Variants in HTR1E observed in about 807,000 individuals in gnomAD.
The protein encoded by HTR1E is 5-hydroxytryptamine receptor 1E.
In HTR1E, 3 loss-of-function variants were observed where a neutral mutation model predicts 3.4. That is an observed-to-expected ratio of 0.89 (90% CI 0.41 to 2.31). The LOEUF (loss-of-function observed/expected upper bound fraction) is 2.31, where lower values mean the gene tolerates loss of function less well. Ranked by LOEUF, HTR1E falls within the 30% of genes most tolerant of loss-of-function variation. The probability of loss-of-function intolerance (pLI) is 0.05; values close to 1 mark genes in which losing one functional copy is unlikely to be tolerated. For missense variants in HTR1E, 392 were observed against 467.0 expected (o/e 0.84, Z 1.48); for synonymous variants, 170 against 182.8 (o/e 0.93, Z 0.56).
rs188099072 is a variant in HTR1E at position 86,941,431 on chromosome 6, T to G, written c.-186+3608T>G. Among the ~76,000 whole-genome samples the G allele has an allele frequency of 2.0e-5, 3 of 152,376 alleles. No homozygotes were observed. In the East Asian group the frequency reaches 5.8e-4, roughly 29 times the overall value. On this transcript the variant is annotated intron_variant, in intron 1 of 1. Coordinates refer to ENST00000305344, the MANE Select transcript of HTR1E (RefSeq NM_000865.3). Reference sequence around the variant, plus strand: ...TGGTTTACTGCAGTCCTTACCTGAATAGATGTCAGTGTTTTGATCCCATTG... The same window carrying G: ...TGGTTTACTGCAGTCCTTACCTGAAGAGATGTCAGTGTTTTGATCCCATTG...
At chr6:87,004,565 TA>T (rs943033040) in intron 1 of HTR1E, among the ~76,000 whole-genome samples, 2 of 151,704 alleles carry the variant, frequency 1.3e-5, no homozygotes, top group East Asian at 1.9e-4. Flanking sequence ...TTGATAACCC[TA>T]AAAAAAATGG....
chr6:87,016,488 T>TAA lies in HTR1E; in HGVS notation c.*57_*58dup. On this transcript the variant is annotated 3_prime_UTR_variant, in exon 2 of 2. Transcript: ENST00000305344. ...CCAGAGCCTCATGAGTGGATGGGGG[T>TAA]AAGGGGTGCAACTTATTAATTCTTG... 6.9e-7 allele frequency: 1 copy of TAA among 1,441,304 alleles called. No individual in the cohort carries two copies. The highest frequency in any genetic ancestry group is 1.4e-5 in the South Asian group (1 of 72,794). The allele number at this position is 1,441,304 out of a possible 1,614,324, so 89.3% of individuals were successfully genotyped here.
chr6:86,944,707 T>C (rs993664401), intron 1 of HTR1E, among the ~76,000 whole-genome samples: 3 of 152,210 alleles, frequency 2.0e-5, no homozygotes, highest in African/African-American at 7.2e-5. Flanking sequence ...TAGACAGCCA[T>C]GCAGCACATT....
intron 1 of HTR1E, among the ~76,000 whole-genome samples, chr6:86,978,130 C>G (rs1225063727): frequency 2.0e-5 from 3 of 152,206 alleles, no homozygotes. Flanking sequence ...ATAGATACTA[C>G]TGAAAATATC....
chr6:86,989,396 G>C (rs145330007), intron 1 of HTR1E, among the ~76,000 whole-genome samples: 126 of 152,170 alleles, frequency 8.3e-4, no homozygotes, highest in African/African-American at 2.8e-3. Flanking sequence ...ACAAAATCAT[G>C]ATAAAAAAAA....
At position 87,015,787 on chromosome 6, in the gene HTR1E, T is replaced by C; in HGVS notation, c.453T>C (p.Ile151=). ...LMILTVWTIS[I]FISMPPLFWR... is the part of the protein sequence containing the mutation. ...TCCTTACCGTCTGGACCATCTCCAT[T>C]TTCATCTCCATGCCCCCTCTGTTCT... is the stretch of plus-strand genomic sequence containing the variant. Residue 151 remains isoleucine (I), a synonymous_variant, in exon 2 of 2, where the codon ATT becomes ATC. Transcript: ENST00000305344. The C allele has an allele frequency of 6.2e-7, 1 of 1,611,062 alleles. No individual in the cohort carries two copies. The highest frequency in any genetic ancestry group is 8.5e-7 in the Non-Finnish European group (1 of 1,178,206).
intron 1 of HTR1E, among the ~76,000 whole-genome samples, chr6:86,953,468 G>A (rs1767275077): frequency 1.3e-5 from 2 of 152,116 alleles, no homozygotes; most frequent in South Asian, 4.1e-4. Flanking sequence ...CATTTCTAAG[G>A]GTCGGCAGGC....
intron 1 of HTR1E, among the ~76,000 whole-genome samples, chr6:87,006,901 A>G (rs914677639): frequency 6.6e-6 from 1 of 152,124 alleles, no homozygotes; most frequent in African/African-American, 2.4e-5. Flanking sequence ...GGAGAGTAAC[A>G]ACACACACTG....
chr6:86,965,646 G>A (rs1459285464), intron 1 of HTR1E, among the ~76,000 whole-genome samples: 2 of 152,026 alleles, frequency 1.3e-5, no homozygotes, highest in Admixed American at 6.6e-5. Flanking sequence ...CCATCCAGGG[G>A]TCTACATACA....
At chr6:86,958,776 A>G (rs1018268108) in intron 1 of HTR1E, among the ~76,000 whole-genome samples, 1 of 152,184 alleles carries the variant, frequency 6.6e-6, no homozygotes, top group South Asian at 2.1e-4. Context: ...TAGAGAAGAC[A>G]TTTGTTTCAA....
At chr6:87,004,867 G>A (rs879924272) in intron 1 of HTR1E, among the ~76,000 whole-genome samples, 4 of 151,918 alleles carry the variant, frequency 2.6e-5, no homozygotes, top group African/African-American at 9.7e-5. Context: ...AAAACTATTA[G>A]AACTGATACA....
At chr6:86,959,306 A>G (rs139352908) in intron 1 of HTR1E, among the ~76,000 whole-genome samples, 1 of 152,256 alleles carries the variant, frequency 6.6e-6, no homozygotes, top group African/African-American at 2.4e-5. Flanking sequence ...TCAGCTGAGC[A>G]CTGTGACTCA....
chr6:86,987,663 T>C (rs1277907212), intron 1 of HTR1E, among the ~76,000 whole-genome samples: 1 of 152,136 alleles, frequency 6.6e-6, no homozygotes, highest in Non-Finnish European at 1.5e-5. Context: ...TACAACAAAA[T>C]AGCAAGATGG....
At chr6:86,996,560 T>C (rs1385403243) in intron 1 of HTR1E, among the ~76,000 whole-genome samples, 1 of 152,090 alleles carries the variant, frequency 6.6e-6, no homozygotes, top group Non-Finnish European at 1.5e-5. Context: ...TTGGTATCAG[T>C]AATGAATCAG....
At chr6:87,010,491 G>T (rs1174809976) in intron 1 of HTR1E, among the ~76,000 whole-genome samples, 1 of 141,644 alleles carries the variant, frequency 7.1e-6, no homozygotes, top group African/African-American at 2.7e-5. Context: ...GGGCAGAGGC[G>T]CTCCTCACAT....
intron 1 of HTR1E, among the ~76,000 whole-genome samples, chr6:86,968,125 T>A (rs1469639256): frequency 6.6e-6 from 1 of 152,238 alleles, no homozygotes; most frequent in East Asian, 1.9e-4. Flanking sequence ...TTGGAGATTA[T>A]TTCATGCTAC....
At chr6:86,998,829 C>A (rs907446048) in intron 1 of HTR1E, among the ~76,000 whole-genome samples, 11 of 151,036 alleles carry the variant, frequency 7.3e-5, no homozygotes, top group Non-Finnish European at 1.3e-4. Context: ...TTAGACTGAT[C>A]AAGAAAAAAG....
chr6:86,945,468 C>G (rs1318709415), intron 1 of HTR1E, among the ~76,000 whole-genome samples: 1 of 151,974 alleles, frequency 6.6e-6, no homozygotes, highest in Non-Finnish European at 1.5e-5. Flanking sequence ...GTCTTGAACC[C>G]CCGACCTCAA....
intron 1 of HTR1E, among the ~76,000 whole-genome samples, chr6:87,008,243 C>T (rs548879686): frequency 1.3e-5 from 2 of 152,298 alleles, no homozygotes; most frequent in Admixed American, 6.5e-5. Flanking sequence ...CCTCCCACTG[C>T]TTCTACTGAA....
Sources: allele counts gnomAD v4.1 joint callset (sites outside exome capture counted in the v4.1 genomes callset), GRCh38; gene constraint gnomAD v4.1.1; transcripts MANE v1.5; gene names NCBI Gene and HGNC (gene_info 2026-07-23, HGNC 2026-07-21).